Variants in THOC5 observed in about 807,000 individuals in gnomAD.
The protein encoded by THOC5 is THO complex subunit 5, also known as Fms-interacting protein.
In THOC5, 43 loss-of-function variants were observed where a neutral mutation model predicts 92.9. The observed-to-expected ratio is 0.46, with a 90% CI of 0.36 to 0.60. The LOEUF (loss-of-function observed/expected upper bound fraction) is 0.60, where lower values mean the gene tolerates loss of function less well. Among genes scored for constraint, THOC5 ranks in the 20% least tolerant of loss-of-function variants. The probability of loss-of-function intolerance (pLI) is 0.00; values close to 1 mark genes in which losing one functional copy is unlikely to be tolerated. For missense variants in THOC5, 659 were observed against 849.4 expected, an observed-to-expected ratio of 0.78 and a Z score of 2.79; for synonymous variants, 296 against 320.1, an observed-to-expected ratio of 0.92 and a Z score of 0.80.
chr22:29,519,634 C>CTTT (rs34656123), intron 14 of THOC5, among the ~76,000 whole-genome samples: 10 of 140,910 alleles, frequency 7.1e-5, no homozygotes, highest in East Asian at 4.2e-4. Context: ...CATGACAGGC[C>CTTT]TTTTTTTTTT....
At chr22:29,531,640 G>C in intron 8 of THOC5, 191 bp downstream of exon 8, 2 of 1,354,926 alleles carry the variant, frequency 1.5e-6, no homozygotes, top group Non-Finnish European at 9.5e-7. Context: ...ATACCCATCA[G>C]GTTAATCCAG....
chr22:29,527,863 C>A (rs2063573688), intron 11 of THOC5, among the ~76,000 whole-genome samples: 1 of 152,150 alleles, frequency 6.6e-6, no homozygotes, highest in Non-Finnish European at 1.5e-5. Context: ...CAAGCTTCTG[C>A]CTTATGTGAC....
In THOC5 at chr22:29,545,339, CT is replaced by C. The variant is rs1202244019; in HGVS notation, c.97-737del. On this transcript the variant is annotated intron_variant, in intron 2 of 19. Coordinates refer to ENST00000490103, the MANE Select transcript of THOC5 (RefSeq NM_003678.5). Reference sequence around the variant, plus strand: ...AATCCCAAACCATATCATTCCGCCCCTGGCCCCTCCGAATCTCATGTCCTCA... The same window carrying C: ...AATCCCAAACCATATCATTCCGCCCCGGCCCCTCCGAATCTCATGTCCTCA... Among the ~76,000 whole-genome samples the C allele has an allele frequency of 5.3e-5, 8 of 152,290 alleles. No homozygotes were observed. In the East Asian group the frequency reaches 9.6e-4, roughly 18 times the overall value.
At chr22:29,531,593 C>T (rs1411350272) in intron 8 of THOC5, 37 of 1,249,690 alleles carry the variant, frequency 3.0e-5, no homozygotes, top group Non-Finnish European at 3.5e-5. Context: ...AGCTGTCCAG[C>T]CAGGCTCACG....
Position 29,539,448 on chromosome 22 carries a change from T to C in THOC5, c.481A>G (p.Ser161Gly), listed in dbSNP as rs1279507561. 9 of 1,613,750 alleles carry C rather than the reference T, an allele frequency of 5.6e-6. No homozygotes were observed. The highest frequency in any genetic ancestry group is 2.7e-5 in the African/African-American group (2 of 74,926). Residue 161 changes from serine to glycine, a missense_variant, in exon 6 of 20, where the codon AGT becomes GGT. Ser to Gly is a moderately conservative substitution (Grantham distance 56). Coordinates refer to ENST00000490103, the MANE Select transcript of THOC5 (RefSeq NM_003678.5). ...GCCTCCTTATAAAACTCCTCTAAAC[T>C]GACCAGATCAATTTCTTCATGCTTT... is the stretch of plus-strand genomic sequence containing the variant. ...KSKHEEIDLVSLEEFYKEAPP... is the reference protein window; with the variant it reads ...KSKHEEIDLVGLEEFYKEAPP...
chr22:29,545,645 C>T (rs2146558269), intron 2 of THOC5, among the ~76,000 whole-genome samples: 1 of 152,332 alleles, frequency 6.6e-6, no homozygotes, highest in Admixed American at 6.5e-5. Context: ...CCAAAATTAT[C>T]TCCTTTGACT....
intron 17 of THOC5, among the ~76,000 whole-genome samples, chr22:29,514,930 C>T (rs991845850): frequency 9.2e-5 from 14 of 152,004 alleles, no homozygotes; most frequent in African/African-American, 3.1e-4. Context: ...GTCTTGAACT[C>T]CTGACCTCAA....
At chr22:29,519,630 A>C in intron 14 of THOC5, among the ~76,000 whole-genome samples, 1 of 143,320 alleles carries the variant, frequency 7.0e-6, no homozygotes, top group Non-Finnish European at 1.5e-5. Context: ...AGGCCATGAC[A>C]GGCCTTTTTT....
intron 1 of THOC5, among the ~76,000 whole-genome samples, chr22:29,551,920 C>T (rs1357113834): frequency 3.3e-5 from 5 of 151,086 alleles, no homozygotes; most frequent in Non-Finnish European, 7.4e-5. Flanking sequence ...CGAGTGCCTG[C>T]AATTGCAGGC....
intron 12 of THOC5, among the ~76,000 whole-genome samples, chr22:29,523,221 G>A (rs996887626): frequency 1.1e-4 from 16 of 151,840 alleles, no homozygotes; most frequent in East Asian, 1.9e-4. Context: ...CGGCCTGGGC[G>A]ACACACAGAG....
intron 9 of THOC5, 77 bp downstream of exon 9, chr22:29,529,085 T>C: frequency 1.4e-6 from 2 of 1,414,682 alleles, no homozygotes; most frequent in Non-Finnish European, 2.0e-6. Flanking sequence ...CTAGTCCAGC[T>C]AGTTCTCCAA....
At chr22:29,546,427 A>G (rs903489414) in intron 2 of THOC5, among the ~76,000 whole-genome samples, 13 of 146,814 alleles carry the variant, frequency 8.9e-5, no homozygotes, top group Admixed American at 4.7e-4. Flanking sequence ...TCCTTTTTTT[A>G]TTTTTTATTT....
chr22:29,527,367 C>T (rs11704049), intron 11 of THOC5, among the ~76,000 whole-genome samples: 30,218 of 152,124 alleles, frequency 0.2, 3,349 homozygotes, highest in East Asian at 0.43. Flanking sequence ...TGCAGTGAGC[C>T]GTGATCATGC....
intron 2 of THOC5, among the ~76,000 whole-genome samples, chr22:29,546,843 CTT>C (rs112906478): frequency 2.2e-4 from 31 of 138,102 alleles, no homozygotes; most frequent in Non-Finnish European, 2.4e-4. Context: ...CAAGTCACTT[CTT>C]TTTTTTTTTT....
intron 5 of THOC5, among the ~76,000 whole-genome samples, chr22:29,541,873 A>ATAAAT (rs1569230779): frequency 3.3e-5 from 2 of 61,396 alleles, no homozygotes; most frequent in African/African-American, 8.8e-5. Flanking sequence ...AAAAAAAAAA[A>ATAAAT]AAAAAAAAAA....
chr22:29,510,500 A>C (rs2063203415), intron 19 of THOC5, among the ~76,000 whole-genome samples: 1 of 152,170 alleles, frequency 6.6e-6, no homozygotes, highest in South Asian at 2.1e-4. Flanking sequence ...AGGGAGGCTG[A>C]GGCGGAAGGA....
chr22:29,517,258 C>T lies in THOC5; in HGVS notation c.1593+5G>A, dbSNP rs2063351221. 1.2e-6 allele frequency: 2 copies of T among 1,613,716 alleles called. No homozygotes were observed. The highest frequency in any genetic ancestry group is 1.7e-6 in the Non-Finnish European group (2 of 1,179,622). On this transcript the variant is annotated splice_donor_5th_base_variant and intron_variant, in intron 16 of 19. Transcript: ENST00000490103. ...GTAAGGGTAACTTGTCACTCCTTCA[C>T]CTACCATGTAATCCTCATGGGCAAC...
In THOC5 at chr22:29,506,228, C is replaced by T. The variant is rs1400132061; in HGVS notation, c.*2229G>A. ...AAGATACACTTTTTGACAAAACTGTCCAAGAATAGTCTATGCCATCCTTTA... is the reference window on the plus strand; with the variant it reads ...AAGATACACTTTTTGACAAAACTGTTCAAGAATAGTCTATGCCATCCTTTA... On this transcript the variant is annotated 3_prime_UTR_variant, in exon 20 of 20. Coordinates refer to ENST00000490103, the MANE Select transcript of THOC5 (RefSeq NM_003678.5). 2.6e-5 allele frequency: 4 copies of T among 152,112 alleles called. No individual in the cohort carries two copies. Among genetic ancestry groups the T allele is most frequent in the Non-Finnish European group, 5.9e-5 (4 of 68,032 alleles). 9.4% of individuals were successfully genotyped at this position (152,112 alleles called of 1,614,324 possible).
At chr22:29,549,754 G>A (rs113211798) in intron 1 of THOC5, among the ~76,000 whole-genome samples, 3 of 151,602 alleles carry the variant, frequency 2.0e-5, no homozygotes, top group African/African-American at 4.9e-5. Flanking sequence ...TATTCCTACC[G>A]ACCTTCCCAC....
Sources: allele counts gnomAD v4.1 joint callset (sites outside exome capture counted in the v4.1 genomes callset), GRCh38; gene constraint gnomAD v4.1.1; transcripts MANE v1.5; gene names NCBI Gene and HGNC (gene_info 2026-07-23, HGNC 2026-07-21).